The following PAK3 variants were observed in gnomAD, a reference collection of about 807,000 sequenced individuals.
PAK3 encodes the protein p21 (RAC1) activated kinase 3.
A neutral mutation model predicts 41.0 loss-of-function variants in PAK3; 4 were observed. The ratio of observed to expected loss-of-function variants is 0.10; its 90% CI spans 0.05 to 0.22. The LOEUF (loss-of-function observed/expected upper bound fraction) is 0.22. Ranked by LOEUF, PAK3 falls within the 10% of genes least tolerant of loss-of-function variation. The pLI, the probability that PAK3 is intolerant of heterozygous loss-of-function variation, is 1.00. For missense variants in PAK3, 205 were observed against 409.9 expected (o/e 0.50, Z 4.32); for synonymous variants, 146 against 139.6 (o/e 1.05, Z -0.32).
At chrX:111,205,042 G>A (rs1158167013) in intron 16 of PAK3, among the ~76,000 whole-genome samples, 1 of 106,528 alleles carries the variant, frequency 9.4e-6, no homozygotes, top group Non-Finnish European at 1.9e-5. Flanking sequence ...CGCATTATGC[G>A]GGTTAAAGAG....
chrX:111,132,456 G>A (rs2093732247), intron 5 of PAK3, among the ~76,000 whole-genome samples: 1 of 110,887 alleles, frequency 9.0e-6, no homozygotes, highest in Admixed American at 9.6e-5. Context: ...GCAGGGTGAG[G>A]GGGACAAAGG....
At chrX:111,040,629 G>A (rs1280314543) in intron 1 of PAK3, among the ~76,000 whole-genome samples, 3 of 111,735 alleles carry the variant, frequency 2.7e-5, no homozygotes, top group African/African-American at 9.8e-5. Context: ...AGGACCAACC[G>A]TGCAGGATAT....
intron 1 of PAK3, among the ~76,000 whole-genome samples, chrX:111,079,479 C>T: frequency 8.9e-6 from 1 of 112,124 alleles, no homozygotes; most frequent in East Asian, 2.8e-4. Context: ...TTTAAGCCCA[C>T]TGTTTAGATA....
intron 3 of PAK3, chrX:111,098,404 A>T (rs1603211113): frequency 9.0e-6 from 1 of 110,583 alleles, no homozygotes; most frequent in Non-Finnish European, 1.9e-5. Context: ...CTAGAGAGAG[A>T]GAGAAGAAAA....
chrX:111,191,935 G>T (rs747990162), intron 11 of PAK3, among the ~76,000 whole-genome samples, 192 bp from the exon 12 acceptor site: 91 of 110,902 alleles, frequency 8.2e-4, no homozygotes, highest in East Asian at 5.7e-4. Flanking sequence ...TTAAAAATTT[G>T]TTAAGAGGGT....
intron 4 of PAK3, among the ~76,000 whole-genome samples, chrX:111,103,987 C>T (rs1282185576): frequency 1.8e-5 from 2 of 112,104 alleles, no homozygotes; most frequent in Non-Finnish European, 3.8e-5. Context: ...AGATTGTAAG[C>T]TCTTCAAGGG....
At chrX:111,219,235 T>TAAGAAG (rs1556334541) in intron 17 of PAK3, among the ~76,000 whole-genome samples, 12 of 102,431 alleles carry the variant, frequency 1.2e-4, no homozygotes, top group African/African-American at 4.0e-4. Flanking sequence ...ATAATAATAA[T>TAAGAAG]AAGCAAGAGA....
At chrX:111,133,411 A>C (rs913170906) in intron 5 of PAK3, among the ~76,000 whole-genome samples, 15 of 112,014 alleles carry the variant, frequency 1.3e-4, no homozygotes. Flanking sequence ...TTCTTTTGAC[A>C]TGCTACTATC....
intron 1 of PAK3, among the ~76,000 whole-genome samples, chrX:111,025,230 C>G (rs1463108032): frequency 9.0e-6 from 1 of 110,511 alleles, no homozygotes; most frequent in African/African-American, 3.3e-5. Context: ...TCACACCTCA[C>G]AGAACTAGAG....
intron 1 of PAK3, among the ~76,000 whole-genome samples, chrX:110,965,194 A>G (rs753116672): frequency 8.9e-6 from 1 of 112,530 alleles, no homozygotes; most frequent in South Asian, 3.7e-4. Context: ...CCTGAAGGCC[A>G]TGTGGGCCTT....
At chrX:110,989,381 T>C (rs1475617376) in intron 1 of PAK3, among the ~76,000 whole-genome samples, 2 of 112,609 alleles carry the variant, frequency 1.8e-5, no homozygotes, top group Non-Finnish European at 3.7e-5. Flanking sequence ...CCAGATATTT[T>C]TTTTCTAGGA....
chrX:111,037,918 G>A (rs1230574938), intron 1 of PAK3, among the ~76,000 whole-genome samples: 2 of 111,372 alleles, frequency 1.8e-5, no homozygotes, highest in African/African-American at 6.5e-5. Flanking sequence ...ATATTATGGA[G>A]AGGCTTGCAA....
chrX:111,125,301 C>G (rs1287177128), intron 5 of PAK3, among the ~76,000 whole-genome samples: 1 of 111,144 alleles, frequency 9.0e-6, no homozygotes, highest in Non-Finnish European at 1.9e-5. Context: ...CTCCCAAAGA[C>G]AAGAAAAACC....
intron 4 of PAK3, among the ~76,000 whole-genome samples, chrX:111,121,148 T>C (rs939353840): frequency 1.8e-5 from 2 of 112,474 alleles, no homozygotes; most frequent in African/African-American, 6.5e-5. Context: ...CATTGTACCT[T>C]GTTCTGTAGT....
intron 8 of PAK3, among the ~76,000 whole-genome samples, chrX:111,154,920 G>A (rs1320608570): frequency 9.0e-6 from 1 of 111,347 alleles, no homozygotes; most frequent in Non-Finnish European, 1.9e-5. Flanking sequence ...ACACCAACTT[G>A]CTAGGATAGC....
At chrX:111,214,372 T>A (rs938288065) in intron 16 of PAK3, among the ~76,000 whole-genome samples, 2 of 110,999 alleles carry the variant, frequency 1.8e-5, no homozygotes, top group African/African-American at 6.6e-5. Context: ...TTCCCAGAGG[T>A]TTTTACTTAA....
chrX:111,067,121 T>C (rs1356465632), intron 1 of PAK3, among the ~76,000 whole-genome samples: 1 of 111,857 alleles, frequency 8.9e-6, no homozygotes, highest in Non-Finnish European at 1.9e-5. Flanking sequence ...AAAAATTTTG[T>C]CTCTTGCTTT....
rs145417135 is a variant in PAK3, at chrX:111,152,701, A to G, written c.468+254A>G. ...CACCCCAGTAAAATCCTTCATACCT[A>G]CTTACAGTTAACTCCACCCACCCCA... On this transcript the variant is annotated intron_variant, in intron 8 of 17. Transcript: ENST00000372007. 0.09 allele frequency: 23,350 copies of G among 259,803 alleles called. 3,416 individuals are homozygous for G. The highest frequency in any genetic ancestry group is 0.49 in the African/African-American group (17,370 of 35,294). The allele number at this position is 259,803 out of a possible 1,213,427, so 21.4% of individuals were successfully genotyped here.
At chrX:111,144,634 A>G (rs189348881) in intron 6 of PAK3, among the ~76,000 whole-genome samples, 1 of 111,184 alleles carries the variant, frequency 9.0e-6, no homozygotes, top group African/African-American at 3.3e-5. Flanking sequence ...TTGCTGAACT[A>G]TCTAATCCAG....
Sources: allele counts gnomAD v4.1 joint callset (sites outside exome capture counted in the v4.1 genomes callset), GRCh38; gene constraint gnomAD v4.1.1; transcripts MANE v1.5; gene names NCBI Gene and HGNC (gene_info 2026-07-23, HGNC 2026-07-21).